PSD3: variants seen among roughly 807,000 people sequenced by gnomAD.
PSD3 encodes the protein pleckstrin and Sec7 domain containing 3.
Under a neutral mutation model 105.5 loss-of-function variants are expected in PSD3, and 49 were observed. The ratio of observed to expected loss-of-function variants is 0.46; its 90% CI spans 0.37 to 0.59. The LOEUF (loss-of-function observed/expected upper bound fraction) is 0.59. Ranked by LOEUF, PSD3 falls within the 20% of genes least tolerant of loss-of-function variation. PSD3 has a pLI of 0.00. For missense variants in PSD3, 1,561 were observed against 1,263.8 expected, an observed-to-expected ratio of 1.24 and a Z score of -3.57; for synonymous variants, 557 against 457.8, an observed-to-expected ratio of 1.22 and a Z score of -2.77.
intron 1 of PSD3, among the ~76,000 whole-genome samples, chr8:19,023,835 A>C (rs1827448617): frequency 6.6e-6 from 1 of 152,188 alleles, no homozygotes; most frequent in African/African-American, 2.4e-5. Flanking sequence ...GATACACCGG[A>C]TAAACGACAA....
intron 1 of PSD3, among the ~76,000 whole-genome samples, chr8:18,998,695 CA>C (rs1365574788): frequency 6.6e-6 from 1 of 151,570 alleles, no homozygotes; most frequent in Non-Finnish European, 1.5e-5. Context: ...TCCACAAAAA[CA>C]AAAAACAAAA....
chr8:18,572,817 A>G, intron 13 of PSD3, 145 bp from the exon 14 acceptor site: 2 of 883,158 alleles, frequency 2.3e-6, no homozygotes, highest in Non-Finnish European at 3.5e-6. Flanking sequence ...AAACTTCATT[A>G]GAGATGAACA....
intron 4 of PSD3, among the ~76,000 whole-genome samples, chr8:18,830,018 A>C (rs1459863794): frequency 1.3e-5 from 2 of 152,104 alleles, no homozygotes; most frequent in Admixed American, 1.3e-4. Flanking sequence ...GCGAGCCTGG[A>C]GCGCAGCGGT....
At chr8:18,728,049 T>C (rs1803463032) in intron 9 of PSD3, among the ~76,000 whole-genome samples, 1 of 151,912 alleles carries the variant, frequency 6.6e-6, no homozygotes, top group Non-Finnish European at 1.5e-5. Context: ...GAATGAATGA[T>C]TTTATGAAAA....
chr8:18,668,268 G>C (rs1353069888), intron 9 of PSD3, among the ~76,000 whole-genome samples: 3 of 152,372 alleles, frequency 2.0e-5, no homozygotes, highest in East Asian at 3.9e-4. Context: ...AAATTGTAAG[G>C]AGGAAACAGT....
At chr8:19,064,446 C>T (rs1389697381) in intron 1 of PSD3, among the ~76,000 whole-genome samples, 3 of 152,066 alleles carry the variant, frequency 2.0e-5, no homozygotes, top group Non-Finnish European at 4.4e-5. Context: ...TTGATACAAG[C>T]ATACGATGTG....
At chr8:19,047,354 C>G (rs1235211356) in intron 1 of PSD3, among the ~76,000 whole-genome samples, 1 of 152,176 alleles carries the variant, frequency 6.6e-6, no homozygotes, top group Non-Finnish European at 1.5e-5. Context: ...GATTCAGAAT[C>G]CTTGCCTTGG....
chr8:18,702,683 G>C (rs1199898487), intron 9 of PSD3, among the ~76,000 whole-genome samples: 1 of 151,884 alleles, frequency 6.6e-6, no homozygotes. Flanking sequence ...TGTGATCTCG[G>C]TTCCCTGCAA....
chr8:18,929,130 T>C (rs1821573182), intron 2 of PSD3, among the ~76,000 whole-genome samples: 1 of 152,202 alleles, frequency 6.6e-6, no homozygotes, highest in South Asian at 2.1e-4. Context: ...AAAGTTATTT[T>C]TTAAAGTATT....
rs371415512 is a variant in PSD3, at chr8:18,815,070, A to C, written c.1635-10172T>G. Among the ~76,000 whole-genome samples the C allele has an allele frequency of 2.8e-4, 43 of 152,290 alleles. No homozygotes were observed. In the East Asian group the frequency reaches 3.1e-3, roughly 11 times the overall value. ...TAGTGCACAGGTAAAATATACTTATAAATATGAATTTAGTTTGATCAAATA... is the reference window on the plus strand; with the variant it reads ...TAGTGCACAGGTAAAATATACTTATCAATATGAATTTAGTTTGATCAAATA... On this transcript the variant is annotated intron_variant, in intron 4 of 15. Transcript: ENST00000327040.
intron 15 of PSD3, among the ~76,000 whole-genome samples, chr8:18,550,553 A>C (rs1800701315): frequency 6.6e-6 from 1 of 152,176 alleles, no homozygotes; most frequent in African/African-American, 2.4e-5. Context: ...ACACCACCTA[A>C]CCTACTGAAC....
At chr8:19,072,763 G>A (rs534696556) in intron 1 of PSD3, among the ~76,000 whole-genome samples, 2 of 152,300 alleles carry the variant, frequency 1.3e-5, no homozygotes, top group South Asian at 4.2e-4. Context: ...GCTCTCCAGG[G>A]TCTGCATATT....
chr8:18,639,043 C>G lies in PSD3; in HGVS notation c.2217-6237G>C, dbSNP rs1427830733. 2.0e-5 allele frequency among the ~76,000 whole-genome samples: 3 copies of G among 152,178 alleles called. No individual in the cohort carries two copies. In the East Asian group the frequency reaches 5.8e-4, roughly 29 times the overall value. On this transcript the variant is annotated intron_variant, in intron 10 of 15. Transcript: ENST00000327040. ...GAAATCCAAACTATGACACCATCCC[C>G]TCTTCGATCCCTACTTTAGGCAAAA...
At chr8:18,806,651 TTTG>T (rs200422197) in intron 4 of PSD3, among the ~76,000 whole-genome samples, 41 of 152,324 alleles carry the variant, frequency 2.7e-4, no homozygotes, top group Admixed American at 1.9e-3. Flanking sequence ...CACATGCTGC[TTTG>T]TTGTTGTTGT....
chr8:18,882,021 A>G (rs1244710061), intron 2 of PSD3, among the ~76,000 whole-genome samples: 1 of 152,144 alleles, frequency 6.6e-6, no homozygotes, highest in African/African-American at 2.4e-5. Flanking sequence ...CATCCTGGGC[A>G]AACAGGGAGA....
chr8:19,076,936 T>G (rs1161145545), intron 1 of PSD3, among the ~76,000 whole-genome samples: 2 of 152,212 alleles, frequency 1.3e-5, no homozygotes, highest in Non-Finnish European at 2.9e-5. Flanking sequence ...ACTTTTGGGT[T>G]GCTTTTCTAA....
At chr8:18,879,273 G>A (rs2410580) in intron 2 of PSD3, among the ~76,000 whole-genome samples, 5 of 151,990 alleles carry the variant, frequency 3.3e-5, no homozygotes, top group African/African-American at 4.8e-5. Context: ...CTTGGCAACC[G>A]GTCAAAGAAA....
At chr8:18,857,604 G>A (rs1008584856) in intron 4 of PSD3, among the ~76,000 whole-genome samples, 1 of 152,202 alleles carries the variant, frequency 6.6e-6, no homozygotes, top group Non-Finnish European at 1.5e-5. Context: ...GAGAACTACT[G>A]TGCTACAGCT....
intron 4 of PSD3, among the ~76,000 whole-genome samples, chr8:18,828,067 A>ATATATATATTTTT (rs371473289): frequency 1.1e-4 from 13 of 118,882 alleles, no homozygotes; most frequent in African/African-American, 4.6e-4. Flanking sequence ...ATATATATAT[A>ATATATATATTTTT]TTTTTTTTTT....
Sources: allele counts gnomAD v4.1 joint callset (sites outside exome capture counted in the v4.1 genomes callset), GRCh38; gene constraint gnomAD v4.1.1; transcripts MANE v1.5; gene names NCBI Gene and HGNC (gene_info 2026-07-23, HGNC 2026-07-21).